The following TBX10 variants were observed in gnomAD, a reference collection of about 807,000 sequenced individuals.
TBX10 encodes the protein T-box transcription factor 10.
In TBX10, 26 loss-of-function variants were observed where a neutral mutation model predicts 32.4. The observed-to-expected ratio is 0.80, with a 90% CI of 0.59 to 1.11. The LOEUF is 1.11. TBX10 is among the 50% of genes most tolerant of loss of function. TBX10 has a pLI of 0.00. For synonymous variants in TBX10, 195 were observed against 203.1 expected (o/e 0.96, Z 0.34); for missense variants, 490 against 494.5 (o/e 0.99, Z 0.09).
At chr11:67,637,365 T>A (rs201199405) in intron 1 of TBX10, among the ~76,000 whole-genome samples, 1 of 147,964 alleles carries the variant, frequency 6.8e-6, no homozygotes, top group East Asian at 2.0e-4. Context: ...CATTTTTTTT[T>A]ACTTTTTGCA....
chr11:67,639,590 T>G lies in TBX10; in HGVS notation c.-118A>C. ...TCGGCACCTCAGCTCAGCCCTCAGG[T>G]GCTCACACAAGCTGTAGTCTCTCGG... On this transcript the variant is annotated 5_prime_UTR_variant, in exon 1 of 8. Transcript: ENST00000335385. The G allele has an allele frequency of 1.5e-6, 2 of 1,359,280 alleles. No homozygotes were observed. The highest frequency in any genetic ancestry group is 2.1e-6 in the Non-Finnish European group (2 of 962,478). 84.2% of individuals were successfully genotyped at this position (1,359,280 alleles called of 1,614,324 possible).
At chr11:67,631,924 C>T (rs1261464843) in intron 7 of TBX10, 30 bp from the exon 8 acceptor site, 5 of 1,555,418 alleles carry the variant, frequency 3.2e-6, no homozygotes, top group Non-Finnish European at 4.4e-6. Flanking sequence ...GACTCTGGGC[C>T]TCCCATCGCA....
In TBX10 at chr11:67,631,459, C is replaced by T. The variant is rs1346784088; in HGVS notation, c.*146G>A. 1.9e-6 allele frequency: 2 copies of T among 1,065,002 alleles called. No homozygotes were observed. Among genetic ancestry groups the T allele is most frequent in the African/African-American group, 3.1e-5 (2 of 63,738 alleles). The allele number at this position is 1,065,002 out of a possible 1,614,324, so 66.0% of individuals were successfully genotyped here. A position where few individuals can be genotyped will look rare whatever the true frequency, so the allele number is the denominator to read the frequency against. On this transcript the variant is annotated 3_prime_UTR_variant, in exon 8 of 8. Coordinates refer to ENST00000335385, the MANE Select transcript of TBX10 (RefSeq NM_005995.5). ...CCATGGTCCCAGCCTTGCTGTGACC[C>T]TGGGCAGGTAGCCTCTTTCTCTAGA...
intron 7 of TBX10, 57 bp from the exon 8 acceptor site, chr11:67,631,951 C>A: frequency 6.5e-7 from 1 of 1,550,262 alleles, no homozygotes; most frequent in South Asian, 1.2e-5. Flanking sequence ...TCCCTCATCC[C>A]AGGCCTGCCC....
At chr11:67,639,396 C>CCCCCCCCCCCCCCCCCCCCGG in intron 1 of TBX10, 70 bp downstream of exon 1, 1 of 747,410 alleles carries the variant, frequency 1.3e-6, no homozygotes, top group Admixed American at 2.0e-5. Context: ...TCTTGGTTCC[C>CCCCCCCCCCCCCCCCCCCCGG]ACCCTGCCCA....
chr11:67,635,339 C>T (rs963053218), intron 1 of TBX10, 76 bp from the exon 2 acceptor site: 2 of 1,595,930 alleles, frequency 1.3e-6, no homozygotes, highest in African/African-American at 1.3e-5. Flanking sequence ...CACCTATATG[C>T]CTCTTCCTCC....
intron 6 of TBX10, 50 bp downstream of exon 6, chr11:67,632,553 G>A (rs938146738): frequency 1.1e-5 from 17 of 1,603,896 alleles, no homozygotes; most frequent in Non-Finnish European, 1.4e-5. Flanking sequence ...TGAGGCCTTA[G>A]GATATGCCTG....
In TBX10 at chr11:67,632,322, C is replaced by T. The variant is rs1490961267; in HGVS notation, c.864G>A (p.Glu288=). The change falls in exon 7 of 8, where the codon GAG becomes GAA. Residue 288 remains glutamate (E), a synonymous_variant. Transcript: ENST00000335385. ...PCVLKGATDR[E]KDPNKASAST... ...TCTGCAGGCCTGGGGCCTTACCTTTCTCCCTGTCTGTGGCACCCTTCAGCA... is the reference window on the plus strand; with the variant it reads ...TCTGCAGGCCTGGGGCCTTACCTTTTTCCCTGTCTGTGGCACCCTTCAGCA... 5 of 1,613,362 alleles carry T rather than the reference C, an allele frequency of 3.1e-6. No individual in the cohort carries two copies. Among genetic ancestry groups the T allele is most frequent in the Non-Finnish European group, 4.2e-6 (5 of 1,180,006 alleles).
chr11:67,639,377 G>T, intron 1 of TBX10, 89 bp downstream of exon 1: 1 of 1,420,888 alleles, frequency 7.0e-7, no homozygotes, highest in Non-Finnish European at 9.9e-7. Context: ...CCTGGGTTCA[G>T]CGGGGCTGTC....
intron 1 of TBX10, 131 bp downstream of exon 1, chr11:67,639,335 G>C: frequency 7.6e-7 from 1 of 1,319,458 alleles, no homozygotes; most frequent in African/African-American, 1.5e-5. Context: ...ACCTTAGCCT[G>C]GGGTGCCCCT....
chr11:67,639,923 G>T (rs1855382397), upstream of TBX10, among the ~76,000 whole-genome samples: 1 of 152,184 alleles, frequency 6.6e-6, no homozygotes, highest in Non-Finnish European at 1.5e-5. Context: ...GGGGTGAGGG[G>T]GTGGGAGAGT....
intron 5 of TBX10, 116 bp downstream of exon 5, chr11:67,632,832 T>C (rs1855259539): frequency 1.3e-5 from 21 of 1,579,988 alleles, no homozygotes; most frequent in Non-Finnish European, 1.8e-5. Context: ...TGGCAGATAC[T>C]CAGGGCAAGT....
chr11:67,640,430 C>G (rs994353512), upstream of TBX10, among the ~76,000 whole-genome samples: 2 of 152,232 alleles, frequency 1.3e-5, no homozygotes, highest in African/African-American at 4.8e-5. Flanking sequence ...CACGGAATCC[C>G]CATCTGGACA....
chr11:67,633,132 G>A (rs749610665), intron 4 of TBX10, 29 bp from the exon 5 acceptor site: 55 of 1,607,962 alleles, frequency 3.4e-5, no homozygotes, highest in Middle Eastern at 3.3e-4. Context: ...AGGGGTACAG[G>A]GGTGAGGCGG....
At chr11:67,641,490 G>A (rs938677595), upstream of TBX10, among the ~76,000 whole-genome samples, 2 of 152,194 alleles carry the variant, frequency 1.3e-5, no homozygotes, top group Non-Finnish European at 2.9e-5. Context: ...CGAGGCGCCT[G>A]CTGGCCCCCT....
intron 1 of TBX10, among the ~76,000 whole-genome samples, chr11:67,636,892 C>T (rs992976386): frequency 8.5e-5 from 13 of 152,232 alleles, no homozygotes; most frequent in Non-Finnish European, 2.9e-5. Context: ...CACCCATGTT[C>T]TTATGAGCAT....
intron 1 of TBX10, among the ~76,000 whole-genome samples, chr11:67,636,248 C>CT (rs35028053): frequency 0.02 from 2,745 of 136,216 alleles, 90 homozygotes; most frequent in African/African-American, 0.067. Context: ...CACACGGCTA[C>CT]TTTTTTTTTT....
chr11:67,632,357 T>C lies in TBX10; in HGVS notation c.829A>G (p.Ser277Gly). ...GTGGCACCCTTCAGCACACAGGGAC[T>C]GAGGCTGCTGTGACTCCGGGCTGGG... ...SVPARSHSSL[S>G]PCVLKGATDR... Residue 277 changes from serine (S) to glycine (G), a missense_variant, in exon 7 of 8, where the codon AGT becomes GGT. Transcript: ENST00000335385. 6.2e-7 allele frequency: 1 copy of C among 1,613,346 alleles called. No individual in the cohort carries two copies. The highest frequency in any genetic ancestry group is 8.5e-7 in the Non-Finnish European group (1 of 1,180,020).
In TBX10 at chr11:67,631,773, C is replaced by G. The variant is rs778321213; in HGVS notation, c.990G>C (p.Leu330=). 8 of 1,604,294 alleles carry G rather than the reference C, an allele frequency of 5.0e-6. No individual in the cohort carries two copies. The highest frequency in any genetic ancestry group is 6.8e-6 in the Non-Finnish European group (8 of 1,175,994). Residue 330 remains leucine, a synonymous_variant, in exon 8 of 8, where the codon CTG becomes CTC. Transcript: ENST00000335385. ...ATYRPVTYQS[L]YSGAPSHLGI... ...CTAGGTGGCTCGGGGCTCCAGAGTA[C>G]AGGCTCTGATACGTGACAGGCCTGT... is the stretch of plus-strand genomic sequence containing the variant.
Sources: allele counts gnomAD v4.1 joint callset (sites outside exome capture counted in the v4.1 genomes callset), GRCh38; gene constraint gnomAD v4.1.1; transcripts MANE v1.5; gene names NCBI Gene and HGNC (gene_info 2026-07-23, HGNC 2026-07-21).